Variants in CSE1L observed in about 807,000 individuals in gnomAD.
CSE1L encodes exportin-2.
CSE1L carries 24 observed loss-of-function variants against 120.4 expected under a neutral mutation model. The ratio of observed to expected loss-of-function variants is 0.20; its 90% confidence interval spans 0.14 to 0.28. The LOEUF is 0.28. CSE1L is among the 10% of genes least tolerant of loss of function. The probability of loss-of-function intolerance (pLI) is 1.00; values close to 1 mark genes in which losing one functional copy is unlikely to be tolerated. For missense variants in CSE1L, 830 were observed against 1,145.2 expected, an observed-to-expected ratio of 0.72 and a Z score of 3.97; for synonymous variants, 402 against 398.3, an observed-to-expected ratio of 1.01 and a Z score of -0.11.
chr20:49,051,015 A>G (rs1269982038), intron 1 of CSE1L, among the ~76,000 whole-genome samples: 1 of 152,254 alleles, frequency 6.6e-6, no homozygotes, highest in Admixed American at 6.5e-5. Context: ...ACGGGTGCTC[A>G]TCACTATTGT....
At chr20:49,066,042 A>G (rs945850745) in intron 3 of CSE1L, 150 bp from the exon 4 acceptor site, 5 of 653,606 alleles carry the variant, frequency 7.6e-6, no homozygotes, top group Middle Eastern at 4.0e-4. Flanking sequence ...TGACCCATTC[A>G]TGTAGAGGGA....
chr20:49,048,083 C>T (rs977620911), intron 1 of CSE1L, among the ~76,000 whole-genome samples: 3 of 151,404 alleles, frequency 2.0e-5, no homozygotes, highest in Non-Finnish European at 4.4e-5. Context: ...CCACCAATTG[C>T]TCTTTTTCTC....
intron 24 of CSE1L, chr20:49,095,301 TGTG>T (rs983011180): frequency 9.9e-5 from 23 of 232,642 alleles, no homozygotes; most frequent in East Asian, 5.9e-4. Flanking sequence ...ATTATTAAAA[TGTG>T]GTAGCATTTT....
intron 7 of CSE1L, 89 bp downstream of exon 7, chr20:49,068,911 C>A (rs2123700746): frequency 2.2e-6 from 2 of 927,616 alleles, no homozygotes; most frequent in South Asian, 1.5e-5. Flanking sequence ...TCTTTGCCAG[C>A]ATTGATTTTT....
chr20:49,049,738 A>G (rs1187726748), intron 1 of CSE1L, among the ~76,000 whole-genome samples: 3 of 152,208 alleles, frequency 2.0e-5, no homozygotes, highest in Non-Finnish European at 4.4e-5. Context: ...TATAAAAAGG[A>G]TTTGTTGACA....
At chr20:49,074,933 G>T in intron 11 of CSE1L, 83 bp downstream of exon 11, 1 of 997,556 alleles carries the variant, frequency 1.0e-6, no homozygotes, top group Non-Finnish European at 1.5e-6. Context: ...GGGAGAAGTG[G>T]GATTGAGAAT....
intron 22 of CSE1L, among the ~76,000 whole-genome samples, chr20:49,093,917 CAAAAA>C (rs1283991300): frequency 4.4e-5 from 6 of 137,600 alleles, no homozygotes; most frequent in Admixed American, 1.5e-4. Context: ...AACTCCGTCT[CAAAAA>C]AAAAAAGAAA....
In CSE1L at chr20:49,066,159, G is replaced by A. The variant is rs1419668152; in HGVS notation, c.229-33G>A. The A allele has an allele frequency of 1.5e-5, 24 of 1,556,932 alleles. 1 individual carries two copies. Among genetic ancestry groups the A allele is most frequent in the Non-Finnish European group, 1.8e-5 (20 of 1,130,770 alleles). ...TCATGTGGACATGAATGTGGATTTT[G>A]TGTTACTTCCTCAGTTACTGCTTTG... On this transcript the variant is annotated intron_variant, in intron 3 of 24. Coordinates refer to ENST00000262982, the MANE Select transcript of CSE1L (RefSeq NM_001316.4).
At chr20:49,065,001 T>A (rs2091879876) in intron 3 of CSE1L, among the ~76,000 whole-genome samples, 1 of 150,884 alleles carries the variant, frequency 6.6e-6, no homozygotes, top group African/African-American at 2.4e-5. Context: ...TACAAAAAAA[T>A]TTAAAATTAG....
chr20:49,054,673 A>G (rs1302528408), intron 1 of CSE1L, among the ~76,000 whole-genome samples: 2 of 152,192 alleles, frequency 1.3e-5, no homozygotes, highest in Non-Finnish European at 2.9e-5. Flanking sequence ...CACTTCCCCC[A>G]TTCTGCAAAC....
At chr20:49,096,273 T>A in intron 24 of CSE1L, 76 bp from the exon 25 acceptor site, 2 of 1,155,096 alleles carry the variant, frequency 1.7e-6, no homozygotes, top group African/African-American at 3.0e-5. Context: ...CTGTGGCAGC[T>A]CTCCCGTAGA....
chr20:49,086,359 C>CTTTTTTT (rs10648977), intron 16 of CSE1L, among the ~76,000 whole-genome samples: 75 of 77,628 alleles, frequency 9.7e-4, no homozygotes, highest in Non-Finnish European at 1.2e-3. Flanking sequence ...GTTTAATGTC[C>CTTTTTTT]TTTTTTTTTT....
chr20:49,083,224 T>A (rs1041070437), intron 14 of CSE1L, among the ~76,000 whole-genome samples: 27 of 151,998 alleles, frequency 1.8e-4, no homozygotes, highest in Non-Finnish European at 3.8e-4. Flanking sequence ...TTTCACCATG[T>A]TAGCCAGGAT....
chr20:49,071,987 C>CAAT (rs2091935736), intron 8 of CSE1L, among the ~76,000 whole-genome samples: 1 of 146,802 alleles, frequency 6.8e-6, no homozygotes, highest in African/African-American at 2.5e-5. Context: ...AAAAAAAAAC[C>CAAT]ACTCCTGGCC....
intron 3 of CSE1L, 144 bp from the exon 4 acceptor site, chr20:49,066,048 A>G: frequency 1.5e-6 from 1 of 668,886 alleles, no homozygotes; most frequent in Admixed American, 2.9e-5. Flanking sequence ...ATTCATGTAG[A>G]GGGAAACTGA....
rs777393666 is a variant in CSE1L at position 49,066,358 on chromosome 20, C to T, written c.331-7C>T. ...GCTCTGATCTAATTAATCTTTTCCTCTCCTAGTTAAGTGATGCAATTAGCA... is the reference window on the plus strand; with the variant it reads ...GCTCTGATCTAATTAATCTTTTCCTTTCCTAGTTAAGTGATGCAATTAGCA... On this transcript the variant is annotated splice_polypyrimidine_tract_variant and splice_region_variant and intron_variant, in intron 4 of 24. Coordinates refer to ENST00000262982, the MANE Select transcript of CSE1L (RefSeq NM_001316.4). 1.5e-5 allele frequency: 25 copies of T among 1,614,018 alleles called. No homozygotes were observed. The highest frequency in any genetic ancestry group is 2.0e-5 in the Non-Finnish European group (24 of 1,180,036).
At chr20:49,050,681 G>C (rs1001829725) in intron 1 of CSE1L, among the ~76,000 whole-genome samples, 16 of 151,808 alleles carry the variant, frequency 1.1e-4, no homozygotes, top group Admixed American at 9.9e-4. Context: ...AAAGTGCTGG[G>C]ATTACAGACG....
At chr20:49,084,275 C>A (rs768182431) in intron 15 of CSE1L, 113 bp downstream of exon 15, 81 of 1,102,964 alleles carry the variant, frequency 7.3e-5, no homozygotes, top group Non-Finnish European at 1.0e-4. Flanking sequence ...TGTCTGCTTT[C>A]TATTCCTTTA....
At chr20:49,088,366 A>G (rs1296330093) in intron 17 of CSE1L, among the ~76,000 whole-genome samples, 1 of 152,240 alleles carries the variant, frequency 6.6e-6, no homozygotes, top group Non-Finnish European at 1.5e-5. Context: ...AGAAAAAGAA[A>G]GTGCAGATGA....
Sources: allele counts gnomAD v4.1 joint callset (sites outside exome capture counted in the v4.1 genomes callset), GRCh38; gene constraint gnomAD v4.1.1; transcripts MANE v1.5; gene names NCBI Gene and HGNC (gene_info 2026-07-23, HGNC 2026-07-21).